WASHC4: variants seen among roughly 807,000 people sequenced by gnomAD.
The protein encoded by WASHC4 is WASH complex subunit 4, also known as WASH complex subunit 7.
In WASHC4, 86 loss-of-function variants were observed where a neutral mutation model predicts 166.6. The observed-to-expected ratio is 0.52, with a 90% CI of 0.43 to 0.62. The LOEUF (loss-of-function observed/expected upper bound fraction) is 0.62, where lower values mean the gene tolerates loss of function less well. WASHC4 is among the 20% of genes least tolerant of loss of function. The pLI, the probability that WASHC4 is intolerant of heterozygous loss-of-function variation, is 0.00. For synonymous variants in WASHC4, 446 were observed against 451.6 expected (o/e 0.99, Z 0.16); for missense variants, 1,262 against 1,382.4 (o/e 0.91, Z 1.38).
intron 12 of WASHC4, 41 bp from the exon 13 acceptor site, chr12:105,127,088 T>G (rs2135753750): frequency 6.4e-7 from 1 of 1,557,012 alleles, no homozygotes; most frequent in Non-Finnish European, 8.9e-7. Flanking sequence ...TTGTTTAGCC[T>G]GCATTTAATG....
At chr12:105,123,670 G>A (rs1172121316) in intron 10 of WASHC4, among the ~76,000 whole-genome samples, 1 of 152,226 alleles carries the variant, frequency 6.6e-6, no homozygotes, top group Non-Finnish European at 1.5e-5. Context: ...TAACATTAAA[G>A]TGCAAAAGCA....
rs562039041 is a variant in WASHC4, at chr12:105,109,171, A to C, written c.61+1310A>C. Among the ~76,000 whole-genome samples the C allele has an allele frequency of 2.0e-5, 3 of 152,302 alleles. No homozygotes were observed. The South Asian group carries it at 6.2e-4, about 32-fold the overall frequency. On this transcript the variant is annotated intron_variant, in intron 1 of 32. Transcript: ENST00000332180. ...AAAATTAACCTTGGAGATAATGACA[A>C]AATCTTTTAATTTTTTTTTGTGGAG...
intron 20 of WASHC4, 86 bp from the exon 21 acceptor site, chr12:105,144,201 T>C (rs1883100530): frequency 8.7e-7 from 1 of 1,148,834 alleles, no homozygotes; most frequent in Admixed American, 2.1e-5. Flanking sequence ...AAACTATTGG[T>C]TTAAAATGGA....
chr12:105,140,235 A>G (rs1011269287), intron 15 of WASHC4, 59 bp from the exon 16 acceptor site: 21 of 1,232,228 alleles, frequency 1.7e-5, no homozygotes, highest in Middle Eastern at 1.9e-4. Flanking sequence ...AAGATCTTCT[A>G]TAATTTTGCC....
At chr12:105,108,214 G>A (rs184893923) in intron 1 of WASHC4, among the ~76,000 whole-genome samples, 220 of 152,342 alleles carry the variant, frequency 1.4e-3, no homozygotes, top group African/African-American at 5.1e-3. Context: ...TTCTGTCTCT[G>A]GCCTCTTGGG....
At chr12:105,125,952 T>G (rs1456609045) in intron 10 of WASHC4, 52 bp from the exon 11 acceptor site, 1 of 1,554,290 alleles carries the variant, frequency 6.4e-7, no homozygotes, top group Admixed American at 1.7e-5. Flanking sequence ...TTTAAATGTT[T>G]AATCGTTTAT....
intron 14 of WASHC4, among the ~76,000 whole-genome samples, chr12:105,137,478 C>T (rs1566012517): frequency 6.6e-6 from 1 of 152,194 alleles, no homozygotes; most frequent in African/African-American, 2.4e-5. Flanking sequence ...TGTAACTCCT[C>T]AGAGTCCTCA....
At chr12:105,124,943 C>A (rs568254829) in intron 10 of WASHC4, among the ~76,000 whole-genome samples, 1 of 152,134 alleles carries the variant, frequency 6.6e-6, no homozygotes, top group African/African-American at 2.4e-5. Context: ...TTTTTACTCA[C>A]GCTAGCCACA....
At chr12:105,150,691 A>G (rs1186964071) in intron 25 of WASHC4, among the ~76,000 whole-genome samples, 4 of 152,150 alleles carry the variant, frequency 2.6e-5, no homozygotes, top group Non-Finnish European at 4.4e-5. Context: ...GGCTGAGTGT[A>G]TTAGTCTATT....
intron 32 of WASHC4, among the ~76,000 whole-genome samples, chr12:105,165,735 A>G (rs767094033): frequency 1.9e-4 from 29 of 152,326 alleles, no homozygotes; most frequent in Non-Finnish European, 3.5e-4. Context: ...ACATTGTTGC[A>G]TAAATTAAAT....
chr12:105,154,426 G>A (rs758949045), intron 26 of WASHC4, among the ~76,000 whole-genome samples: 21 of 152,148 alleles, frequency 1.4e-4, no homozygotes, highest in Non-Finnish European at 2.9e-4. Flanking sequence ...GGAGCAAAAT[G>A]GAAGCCTTTT....
At chr12:105,143,996 T>G (rs138327473) in intron 20 of WASHC4, among the ~76,000 whole-genome samples, 228 of 152,098 alleles carry the variant, frequency 1.5e-3, no homozygotes, top group African/African-American at 5.1e-3. Context: ...CTTTTTTCTT[T>G]TCTCTCTTGC....
chr12:105,140,162 C>A (rs12309370), intron 15 of WASHC4, 132 bp from the exon 16 acceptor site: 28 of 708,702 alleles, frequency 4.0e-5, no homozygotes, highest in Non-Finnish European at 6.2e-5. Context: ...TGAGCCACCA[C>A]GCCAGGACTG....
intron 24 of WASHC4, chr12:105,148,979 G>A (rs1566022150): frequency 1.0e-6 from 1 of 984,268 alleles, no homozygotes. Flanking sequence ...AAGCACACAT[G>A]TACTTAACAT....
chr12:105,115,284 G>T (rs1339701259), intron 5 of WASHC4, 55 bp downstream of exon 5: 2 of 1,058,610 alleles, frequency 1.9e-6, no homozygotes, highest in African/African-American at 3.1e-5. Flanking sequence ...TGAACAAAAA[G>T]TTAACAGACA....
At chr12:105,114,099 G>T in intron 2 of WASHC4, 117 bp from the exon 3 acceptor site, 12 of 806,742 alleles carry the variant, frequency 1.5e-5, no homozygotes, top group East Asian at 5.8e-5. Context: ...TGGTGCTAAT[G>T]TTGAGTACAG....
chr12:105,115,346 AT>A (rs958876294), intron 5 of WASHC4, 117 bp downstream of exon 5: 2 of 782,160 alleles, frequency 2.6e-6, no homozygotes, highest in African/African-American at 1.7e-5. Flanking sequence ...AAGTATTCAT[AT>A]TTTTTGTTGG....
In WASHC4 at chr12:105,160,544, G is replaced by C. The variant is rs1202102996; in HGVS notation, c.3060+396G>C. Among the ~76,000 whole-genome samples, 5 of 152,062 alleles carry C rather than the reference G, an allele frequency of 3.3e-5. No homozygotes were observed. The South Asian group carries it at 1.0e-3, about 32-fold the overall frequency. ...TTTGTTTTCTTTTTTAAGATATGGG[G>C]TCTCACTGTGTAGCCTAAGCTGGTC... On this transcript the variant is annotated intron_variant, in intron 29 of 32. Coordinates refer to ENST00000332180, the MANE Select transcript of WASHC4 (RefSeq NM_015275.3).
At chr12:105,124,270 CT>C in intron 10 of WASHC4, among the ~76,000 whole-genome samples, 1 of 151,706 alleles carries the variant, frequency 6.6e-6, no homozygotes, top group African/African-American at 2.4e-5. Flanking sequence ...AAGGCATCTA[CT>C]ACCATGCCCA....
Sources: gnomAD v4.1 joint callset for allele counts (sites outside exome capture counted in the v4.1 genomes callset) on GRCh38, gnomAD v4.1.1 for gene constraint, MANE v1.5 for transcripts, NCBI Gene and HGNC (gene_info 2026-07-23, HGNC 2026-07-21) for gene names.